Variants in POU6F2 observed in about 807,000 individuals in gnomAD.
POU6F2 encodes the protein POU domain, class 6, transcription factor 2.
A neutral mutation model predicts 71.3 loss-of-function variants in POU6F2; 31 were observed. The observed-to-expected ratio is 0.43, with a 90% CI of 0.33 to 0.59. The LOEUF (loss-of-function observed/expected upper bound fraction) is 0.59, where lower values mean the gene tolerates loss of function less well. POU6F2 is among the 20% of genes least tolerant of loss of function. The pLI is 0.04. For synonymous variants in POU6F2, 347 were observed against 355.7 expected, an observed-to-expected ratio of 0.98 and a Z score of 0.27; for missense variants, 783 against 856.8, an observed-to-expected ratio of 0.91 and a Z score of 1.07.
At chr7:39,409,592 G>C (rs1225654284) in intron 6 of POU6F2, among the ~76,000 whole-genome samples, 1 of 152,188 alleles carries the variant, frequency 6.6e-6, no homozygotes, top group Non-Finnish European at 1.5e-5. Context: ...GCAGCCACGA[G>C]ACATACCCAG....
At chr7:39,222,843 C>A (rs1794397071) in intron 4 of POU6F2, among the ~76,000 whole-genome samples, 1 of 152,150 alleles carries the variant, frequency 6.6e-6, no homozygotes, top group African/African-American at 2.4e-5. Flanking sequence ...GTGGATGATG[C>A]TGCTACAAAC....
intron 2 of POU6F2, among the ~76,000 whole-genome samples, chr7:39,189,550 C>T (rs1289269363): frequency 6.6e-6 from 1 of 152,030 alleles, no homozygotes; most frequent in African/African-American, 2.4e-5. Context: ...AGGCACGTGC[C>T]ACCACGCCCA....
chr7:39,085,803 G>A (rs1174307070), intron 1 of POU6F2, 57 bp from the exon 2 acceptor site: 14 of 1,544,678 alleles, frequency 9.1e-6, no homozygotes, highest in African/African-American at 2.7e-5. Flanking sequence ...GAGAGGACAC[G>A]CACTCTAAAT....
rs76261166 is a variant in POU6F2, at chr7:39,249,851, C to G, written c.598+42231C>G. ...TACTCAGTCATTTCTGTGCATCAAA[C>G]CTGCAGTATTGATTTTTCCACTGAC... On this transcript the variant is annotated intron_variant, in intron 4 of 9. Coordinates refer to ENST00000518318, the MANE Select transcript of POU6F2 (RefSeq NM_001370959.1). Among the ~76,000 whole-genome samples the G allele has an allele frequency of 8.8e-3, 1,347 of 152,240 alleles. 15 individuals are homozygous for G. Among genetic ancestry groups the G allele is most frequent in the African/African-American group, 0.029 (1,222 of 41,532 alleles).
intron 1 of POU6F2, among the ~76,000 whole-genome samples, chr7:38,981,815 G>A (rs774882903): frequency 6.6e-6 from 1 of 152,138 alleles, no homozygotes; most frequent in Non-Finnish European, 1.5e-5. Context: ...GAAAACTAAT[G>A]CAAATGTCTC....
chr7:39,300,241 T>A (rs1417908051), intron 4 of POU6F2, among the ~76,000 whole-genome samples: 1 of 152,194 alleles, frequency 6.6e-6, no homozygotes, highest in Non-Finnish European at 1.5e-5. Context: ...CTAAACATTG[T>A]GATAAATAAC....
intron 2 of POU6F2, among the ~76,000 whole-genome samples, chr7:39,196,574 C>A (rs1450383942): frequency 6.6e-6 from 1 of 152,056 alleles, no homozygotes; most frequent in Non-Finnish European, 1.5e-5. Context: ...GCCTGGCCAA[C>A]ATGGAAAAAC....
chr7:39,328,384 C>G (rs1421517355), intron 4 of POU6F2, among the ~76,000 whole-genome samples: 1 of 152,134 alleles, frequency 6.6e-6, no homozygotes, highest in African/African-American at 2.4e-5. Flanking sequence ...GTGGAATAGT[C>G]CTAGGGAATA....
intron 5 of POU6F2, among the ~76,000 whole-genome samples, chr7:39,388,184 G>A (rs1786987578): frequency 6.6e-6 from 1 of 152,164 alleles, no homozygotes; most frequent in Non-Finnish European, 1.5e-5. Context: ...TGCTCACATG[G>A]AAAACTTCAC....
intron 2 of POU6F2, among the ~76,000 whole-genome samples, chr7:39,123,243 T>C (rs769099532): frequency 1.1e-4 from 17 of 152,208 alleles, no homozygotes; most frequent in Non-Finnish European, 2.2e-4. Flanking sequence ...GCACTGTATG[T>C]AGTGTGCACT....
chr7:39,368,461 T>C (rs1457063189), intron 5 of POU6F2, among the ~76,000 whole-genome samples: 1 of 152,218 alleles, frequency 6.6e-6, no homozygotes, highest in Non-Finnish European at 1.5e-5. Flanking sequence ...AGAAGCCATC[T>C]CCATAATGTA....
In POU6F2 at chr7:39,200,439, A is replaced by G. The variant is rs1214861473; in HGVS notation, c.278-3796A>G. Among the ~76,000 whole-genome samples the G allele has an allele frequency of 3.9e-5, 6 of 152,192 alleles. No individual in the cohort carries two copies. In the East Asian group the frequency reaches 9.6e-4, roughly 24 times the overall value. On this transcript the variant is annotated intron_variant, in intron 2 of 9. Coordinates refer to ENST00000518318, the MANE Select transcript of POU6F2 (RefSeq NM_001370959.1). ...GAAACTTTGCCACTATCTTTGTGCC[A>G]TATTTCCTGATTATGCTACCATGGA...
chr7:39,386,299 C>T (rs1786942864), intron 5 of POU6F2, among the ~76,000 whole-genome samples: 1 of 151,744 alleles, frequency 6.6e-6, no homozygotes. Flanking sequence ...CCTCCATTAA[C>T]ATCCTACACA....
chr7:39,314,151 T>G (rs1785218525), intron 4 of POU6F2, among the ~76,000 whole-genome samples: 1 of 152,206 alleles, frequency 6.6e-6, no homozygotes, highest in African/African-American at 2.4e-5. Context: ...GGTCCCTGGC[T>G]TCCTCACCCA....
intron 1 of POU6F2, among the ~76,000 whole-genome samples, chr7:39,076,896 A>G (rs1033636938): frequency 6.8e-6 from 1 of 147,666 alleles, no homozygotes; most frequent in African/African-American, 2.5e-5. Flanking sequence ...ACACACACAC[A>G]TTAATTAACA....
In POU6F2 at chr7:39,146,378, G is replaced by C. The variant is rs150317652; in HGVS notation, c.278-57857G>C. 1.9e-3 allele frequency among the ~76,000 whole-genome samples: 297 copies of C among 152,314 alleles called. 1 individual carries two copies. Among genetic ancestry groups the C allele is most frequent in the African/African-American group, 7.0e-3 (290 of 41,584 alleles). ...GGAGGCAGGGTGAGGAACTAGGCCA[G>C]AGGGTAGGTGGGGCAGCTCAGGAAA... On this transcript the variant is annotated intron_variant, in intron 2 of 9. Coordinates refer to ENST00000518318, the MANE Select transcript of POU6F2 (RefSeq NM_001370959.1).
chr7:39,153,957 A>C, intron 2 of POU6F2, among the ~76,000 whole-genome samples: 1 of 152,200 alleles, frequency 6.6e-6, no homozygotes, highest in East Asian at 1.9e-4. Flanking sequence ...TAATGTTCAC[A>C]AGTAAGTGGT....
chr7:39,391,680 A>G (rs1787078698), intron 5 of POU6F2, among the ~76,000 whole-genome samples: 1 of 152,222 alleles, frequency 6.6e-6, no homozygotes, highest in African/African-American at 2.4e-5. Flanking sequence ...CAAAGCGACA[A>G]CCAACCCTTT....
At chr7:39,068,762 C>A (rs1427697320) in intron 1 of POU6F2, among the ~76,000 whole-genome samples, 6 of 152,096 alleles carry the variant, frequency 3.9e-5, no homozygotes, top group Admixed American at 1.3e-4. Flanking sequence ...ATTGCTGTGG[C>A]CTGCTTTCTT....
Sources: gnomAD v4.1 joint callset for allele counts (sites outside exome capture counted in the v4.1 genomes callset) on GRCh38, gnomAD v4.1.1 for gene constraint, MANE v1.5 for transcripts, NCBI Gene and HGNC (gene_info 2026-07-23, HGNC 2026-07-21) for gene names.